The following RAP1B variants were observed in gnomAD, a reference collection of about 807,000 sequenced individuals.
RAP1B encodes the protein ras-related protein Rap-1b.
Under a neutral mutation model 27.5 loss-of-function variants are expected in RAP1B, and 1 was observed. The observed-to-expected ratio is 0.04, with a 90% CI of 0.01 to 0.17. RAP1B has a LOEUF of 0.17. RAP1B is among the 10% of genes least tolerant of loss of function. The pLI, the probability that RAP1B is intolerant of heterozygous loss-of-function variation, is 1.00. For missense variants in RAP1B, 84 were observed against 214.8 expected, an observed-to-expected ratio of 0.39 and a Z score of 3.81; for synonymous variants, 75 against 73.1, an observed-to-expected ratio of 1.03 and a Z score of -0.13.
In RAP1B at chr12:68,646,568, G is replaced by T. The variant is rs2135956063; in HGVS notation, c.-26-2131G>T. On this transcript the variant is annotated intron_variant, in intron 1 of 7. Transcript: ENST00000250559. ...CTCCCAAAGTGCTAGGATTACAGGT[G>T]TGGGCCACTGCGCCCGGCCCACTAC... Among the ~76,000 whole-genome samples the T allele has an allele frequency of 2.6e-5, 4 of 152,298 alleles. 2 individuals carry two copies. Among genetic ancestry groups the T allele is most frequent in the Admixed American group, 2.6e-4 (4 of 15,302 alleles).
chr12:68,660,938 A>C lies in RAP1B; in HGVS notation c.*1689A>C, dbSNP rs1490300914. The C allele has an allele frequency of 1.3e-5, 2 of 152,206 alleles. No individual in the cohort carries two copies. Among genetic ancestry groups the C allele is most frequent in the African/African-American group, 2.4e-5 (1 of 41,448 alleles). The allele number at this position is 152,206 out of a possible 1,614,324, so 9.4% of individuals were successfully genotyped here. On this transcript the variant is annotated 3_prime_UTR_variant, in exon 8 of 8. Transcript: ENST00000250559. Reference sequence around the variant, plus strand: ...AAAAATCTTTGAGTGATGTGGATTAAGCACTTAGAGAATCGATATTTTTCT... The same window carrying C: ...AAAAATCTTTGAGTGATGTGGATTACGCACTTAGAGAATCGATATTTTTCT...
chr12:68,628,426 A>T (rs1871980797), intron 1 of RAP1B, among the ~76,000 whole-genome samples: 1 of 152,172 alleles, frequency 6.6e-6, no homozygotes, highest in African/African-American at 2.4e-5. Flanking sequence ...CTAGTTTTCC[A>T]CAGTAATTTT....
chr12:68,646,513 C>A (rs1338019270), intron 1 of RAP1B, among the ~76,000 whole-genome samples: 1 of 152,330 alleles, frequency 6.6e-6, no homozygotes, highest in African/African-American at 2.4e-5. Context: ...CCAGGCTGAA[C>A]TCCTGACCTT....
rs1184613135 is a variant in RAP1B at position 68,671,583 on chromosome 12, A to G, written c.*12334A>G. 2.0e-5 allele frequency: 3 copies of G among 152,206 alleles called. No homozygotes were observed. The highest frequency in any genetic ancestry group is 7.2e-5 in the African/African-American group (3 of 41,446). 9.4% of individuals were successfully genotyped at this position (152,206 alleles called of 1,614,324 possible). On this transcript the variant is annotated 3_prime_UTR_variant, in exon 8 of 8. Transcript: ENST00000250559. The stretch of plus-strand genomic sequence containing the variant: ...ATGTATGTGAGGGATGCATGTGGGC[A>G]CCTGGGAAAGGAGATGAAGAAAGCA...
rs548295539 is a variant in RAP1B, at chr12:68,662,032, A to T, written c.*2783A>T. ...TCTATATATATATATATATATATAT[A>T]TTATATATAGTACATATATAGAGAG... is the stretch of plus-strand genomic sequence containing the variant. On this transcript the variant is annotated 3_prime_UTR_variant, in exon 8 of 8. Transcript: ENST00000250559. 3 of 140,146 alleles carry T rather than the reference A, an allele frequency of 2.1e-5. No individual in the cohort carries two copies. The highest frequency in any genetic ancestry group is 4.7e-4 in the South Asian group (2 of 4,284). The allele number at this position is 140,146 out of a possible 1,614,324, so 8.7% of individuals were successfully genotyped here. A position where few individuals can be genotyped will look rare whatever the true frequency, so the allele number is the denominator to read the frequency against.
chr12:68,651,757 G>A, intron 3 of RAP1B: 1 of 459,294 alleles, frequency 2.2e-6, no homozygotes, highest in Non-Finnish European at 4.0e-6. Flanking sequence ...GTTCGTGTAG[G>A]TTTCCCTGTG....
At chr12:68,629,199 G>A (rs539425871) in intron 1 of RAP1B, among the ~76,000 whole-genome samples, 3 of 152,140 alleles carry the variant, frequency 2.0e-5, no homozygotes, top group South Asian at 2.1e-4. Flanking sequence ...GTCTGGTATC[G>A]AACTCCTGAG....
intron 1 of RAP1B, among the ~76,000 whole-genome samples, chr12:68,618,602 G>GC (rs1481198108): frequency 6.6e-6 from 1 of 152,126 alleles, no homozygotes; most frequent in African/African-American, 2.4e-5. Context: ...GACATTCTTT[G>GC]CCGTTTTCTT....
chr12:68,632,808 G>A (rs1872362549), intron 1 of RAP1B, among the ~76,000 whole-genome samples: 1 of 152,110 alleles, frequency 6.6e-6, no homozygotes, highest in Admixed American at 6.6e-5. Context: ...GGAAATGGGA[G>A]CAAATCCAGA....
chr12:68,661,158 T>A lies in RAP1B; in HGVS notation c.*1909T>A, dbSNP rs1016954928. 4.6e-5 allele frequency: 7 copies of A among 152,286 alleles called. No homozygotes were observed. Among genetic ancestry groups the A allele is most frequent in the African/African-American group, 1.7e-4 (7 of 41,578 alleles). The allele number at this position is 152,286 out of a possible 1,614,324, so 9.4% of individuals were successfully genotyped here. ...ACACGCTGTTTGAATGATACATTTT[T>A]AAAGGCTTTCATGTTAAGAAAAAGT... On this transcript the variant is annotated 3_prime_UTR_variant, in exon 8 of 8. Coordinates refer to ENST00000250559, the MANE Select transcript of RAP1B (RefSeq NM_001010942.3).
At chr12:68,653,518 A>C (rs534015415) in intron 4 of RAP1B, among the ~76,000 whole-genome samples, 5 of 152,196 alleles carry the variant, frequency 3.3e-5, no homozygotes. Context: ...GGTGCTTTAT[A>C]CATGATGATG....
intron 7 of RAP1B, chr12:68,657,825 AACAC>A (rs201612273): frequency 2.8e-4 from 42 of 151,304 alleles, no homozygotes; most frequent in South Asian, 8.0e-4. Flanking sequence ...CCTAATTTAA[AACAC>A]ACACACACAC....
intron 1 of RAP1B, among the ~76,000 whole-genome samples, chr12:68,626,476 G>T (rs575213631): frequency 2.7e-4 from 41 of 152,192 alleles, no homozygotes; most frequent in African/African-American, 9.6e-4. Flanking sequence ...TGGACATAGA[G>T]AACCATCTTG....
chr12:68,612,955 G>A (rs1433062418), intron 1 of RAP1B, among the ~76,000 whole-genome samples: 1 of 152,204 alleles, frequency 6.6e-6, no homozygotes, highest in African/African-American at 2.4e-5. Flanking sequence ...TAAATCATTG[G>A]AACACATGTA....
rs148351097 is a variant in RAP1B at position 68,628,925 on chromosome 12, A to G, written c.-27+17882A>G. 3.2e-4 allele frequency among the ~76,000 whole-genome samples: 48 copies of G among 152,324 alleles called. No individual in the cohort carries two copies. In the East Asian group the frequency reaches 6.6e-3, roughly 21 times the overall value. On this transcript the variant is annotated intron_variant, in intron 1 of 7. Coordinates refer to ENST00000250559, the MANE Select transcript of RAP1B (RefSeq NM_001010942.3). Reference sequence around the variant, plus strand: ...CAGCACTAGTCTGGATTCTAATCCTAAATCTACAGTCTTGTGGTTCTGCAA... The same window carrying G: ...CAGCACTAGTCTGGATTCTAATCCTGAATCTACAGTCTTGTGGTTCTGCAA...
intron 4 of RAP1B, among the ~76,000 whole-genome samples, chr12:68,653,352 C>A (rs2135964980): frequency 6.6e-6 from 1 of 151,102 alleles, no homozygotes; most frequent in South Asian, 2.1e-4. Flanking sequence ...ATACCTGATA[C>A]ATGTCAGGCA....
chr12:68,622,454 T>A (rs1304927679), intron 1 of RAP1B, among the ~76,000 whole-genome samples: 1 of 152,208 alleles, frequency 6.6e-6, no homozygotes, highest in Non-Finnish European at 1.5e-5. Flanking sequence ...TCTTGCTTAC[T>A]TCACAACTTT....
Position 68,647,446 on chromosome 12 carries a change from C to G in RAP1B, c.-26-1253C>G, listed in dbSNP as rs552116319. On this transcript the variant is annotated intron_variant, in intron 1 of 7. Transcript: ENST00000250559. ...ATGTTGGCCAGGCTGGTCTTGAGCTCCTGATTTCAAGTGATCCACCCACCT... is the reference window on the plus strand; with the variant it reads ...ATGTTGGCCAGGCTGGTCTTGAGCTGCTGATTTCAAGTGATCCACCCACCT... 8.1e-4 allele frequency among the ~76,000 whole-genome samples: 113 copies of G among 139,782 alleles called. 1 individual carries two copies. The highest frequency in any genetic ancestry group is 4.0e-3 in the Middle Eastern group (1 of 252). 91.7% of individuals were successfully genotyped at this position (139,782 alleles called of 152,430 possible). A position where few individuals can be genotyped will look rare whatever the true frequency, so the allele number is the denominator to read the frequency against.
chr12:68,642,914 A>G (rs1045601863), intron 1 of RAP1B: 9 of 937,254 alleles, frequency 9.6e-6, no homozygotes, highest in African/African-American at 1.6e-5. Flanking sequence ...GAAACTAGCA[A>G]TGGCCTTTTG....
Sources: gnomAD v4.1 joint callset for allele counts (sites outside exome capture counted in the v4.1 genomes callset) on GRCh38, gnomAD v4.1.1 for gene constraint, MANE v1.5 for transcripts, NCBI Gene and HGNC (gene_info 2026-07-23, HGNC 2026-07-21) for gene names.